Variants in DDX31 observed in about 807,000 individuals in gnomAD.
The protein encoded by DDX31 is DEAD-box helicase 31.
Under a neutral mutation model 91.3 loss-of-function variants are expected in DDX31, and 70 were observed. The observed-to-expected ratio is 0.77, with a 90% CI of 0.63 to 0.94. DDX31 has a LOEUF of 0.94. Ranked by LOEUF, DDX31 falls within the 40% of genes least tolerant of loss-of-function variation. The probability of loss-of-function intolerance (pLI) is 0.00; values close to 1 mark genes in which losing one functional copy is unlikely to be tolerated. For missense variants in DDX31, 902 were observed against 925.0 expected, an observed-to-expected ratio of 0.98 and a Z score of 0.32; for synonymous variants, 362 against 350.6, an observed-to-expected ratio of 1.03 and a Z score of -0.36.
rs530763739 is a variant in DDX31 at position 132,607,175 on chromosome 9, C to T, written c.1994+4912G>A. 6.6e-5 allele frequency among the ~76,000 whole-genome samples: 10 copies of T among 152,330 alleles called. No homozygotes were observed. In the East Asian group the frequency reaches 1.2e-3, roughly 18 times the overall value. ...GGCCTGGCACACAAGCCACAGGGTG[C>T]GCTGGTTCTGGTCCCACTTCCCCTC... On this transcript the variant is annotated intron_variant, in intron 19 of 19. Transcript: ENST00000372159.
chr9:132,621,452 T>C (rs540327247), intron 17 of DDX31, among the ~76,000 whole-genome samples: 70 of 152,352 alleles, frequency 4.6e-4, no homozygotes, highest in African/African-American at 1.6e-3. Context: ...ATGTTTTATA[T>C]ACCTAAATAT....
chr9:132,615,450 G>A (rs1219414675), intron 18 of DDX31, among the ~76,000 whole-genome samples: 1 of 152,178 alleles, frequency 6.6e-6, no homozygotes, highest in Non-Finnish European at 1.5e-5. Context: ...GGAAAGGATG[G>A]AGGAAAAGGA....
chr9:132,631,897 T>C, intron 15 of DDX31, 144 bp downstream of exon 15: 2 of 662,734 alleles, frequency 3.0e-6, no homozygotes, highest in Non-Finnish European at 5.0e-6. Context: ...GTCAGGGGAA[T>C]TGAACAGATA....
Position 132,661,386 on chromosome 9 carries a change from C to A in DDX31, c.409-135G>T, listed in dbSNP as rs116856318. 3,957 of 778,042 alleles carry A rather than the reference C, an allele frequency of 5.1e-3. 18 individuals carry two copies. The highest frequency in any genetic ancestry group is 7.2e-3 in the Non-Finnish European group (3,562 of 493,776). 48.2% of individuals were successfully genotyped at this position (778,042 alleles called of 1,614,324 possible). Reference sequence around the variant, plus strand: ...ATTAAGTTCCTCCACCCAGGTGGTGCTCTCTACTTGGGGCGATTCTGCCAC... The same window carrying A: ...ATTAAGTTCCTCCACCCAGGTGGTGATCTCTACTTGGGGCGATTCTGCCAC... On this transcript the variant is annotated intron_variant, in intron 3 of 19. Coordinates refer to ENST00000372159, the MANE Select transcript of DDX31 (RefSeq NM_022779.9).
Position 132,617,211 on chromosome 9 carries a change from C to T in DDX31, c.1825+1119G>A, listed in dbSNP as rs1380390162. ...AGAATGCCCTTCCTTTAGAGAGCCA[C>T]GGGGCTCATCCCACTTCAGGTTTTT... On this transcript the variant is annotated intron_variant, in intron 18 of 19. Transcript: ENST00000372159. 2.6e-5 allele frequency among the ~76,000 whole-genome samples: 4 copies of T among 152,120 alleles called. No homozygotes were observed. In the East Asian group the frequency reaches 5.8e-4, roughly 22 times the overall value.
At chr9:132,628,089 G>A (rs778597300) in intron 16 of DDX31, among the ~76,000 whole-genome samples, 28 of 152,206 alleles carry the variant, frequency 1.8e-4, no homozygotes, top group Non-Finnish European at 3.5e-4. Context: ...AGCCAATGTA[G>A]GGCCTTTCCT....
At position 132,645,863 on chromosome 9, in the gene DDX31, T is replaced by C. The variant is rs749938502; in HGVS notation, c.1380+32A>G. ...CCCCCATCTCCACGTGGGGCCGCAG[T>C]GTTGTCGCTGCACAGGGAGATCAGT... On this transcript the variant is annotated intron_variant, in intron 13 of 19. Transcript: ENST00000372159. 3 of 1,588,272 alleles carry C rather than the reference T, an allele frequency of 1.9e-6. No homozygotes were observed. The Admixed American group carries it at 5.2e-5, about 27-fold the overall frequency.
At chr9:132,650,114 G>T in intron 9 of DDX31, 120 bp downstream of exon 9, 1 of 945,020 alleles carries the variant, frequency 1.1e-6, no homozygotes, top group Admixed American at 1.9e-5. Context: ...CCTGTGCACC[G>T]GGACTAGGAA....
intron 14 of DDX31, chr9:132,638,006 A>G (rs578062282): frequency 4.5e-6 from 5 of 1,122,636 alleles, no homozygotes; most frequent in Admixed American, 4.4e-5. Flanking sequence ...ACAGAACAGT[A>G]TGCTTCAAGC....
At chr9:132,613,283 A>AAGGG (rs1564286217) in intron 18 of DDX31, among the ~76,000 whole-genome samples, 245 of 152,378 alleles carry the variant, frequency 1.6e-3, no homozygotes, top group African/African-American at 5.6e-3. Context: ...GGAATGAAAC[A>AAGGG]AATGTTTAAA....
chr9:132,633,304 TC>T (rs1247804245), intron 14 of DDX31, among the ~76,000 whole-genome samples: 11 of 152,186 alleles, frequency 7.2e-5, no homozygotes, highest in African/African-American at 2.7e-4. Flanking sequence ...TTGGGTAGTA[TC>T]TAGCAAAATT....
intron 14 of DDX31, among the ~76,000 whole-genome samples, chr9:132,636,169 A>G (rs576859320): frequency 1.3e-5 from 2 of 152,288 alleles, no homozygotes; most frequent in South Asian, 2.1e-4. Context: ...AATGCACTAA[A>G]AGTGTGTCAA....
chr9:132,643,127 T>A (rs1833603100), intron 13 of DDX31, among the ~76,000 whole-genome samples: 1 of 152,188 alleles, frequency 6.6e-6, no homozygotes, highest in African/African-American at 2.4e-5. Flanking sequence ...CCCTGCTGAT[T>A]TTTTAATATT....
intron 6 of DDX31, chr9:132,658,200 T>A: frequency 1.5e-6 from 1 of 680,878 alleles, no homozygotes; most frequent in Non-Finnish European, 2.7e-6. Flanking sequence ...GGAATTAACC[T>A]TCACTGTAAG....
In DDX31 at chr9:132,641,609, C is replaced by T. The variant is rs1021570514; in HGVS notation, c.1440+395G>A. On this transcript the variant is annotated intron_variant, in intron 14 of 19. Transcript: ENST00000372159. ...AGTCGGAGACAGCAGCAAATAAAAT[C>T]GGCCCAAATGCACCGATTTTCCTTT... 3.3e-5 allele frequency among the ~76,000 whole-genome samples: 5 copies of T among 152,298 alleles called. No individual in the cohort carries two copies. In the South Asian group the frequency reaches 1.0e-3, roughly 32 times the overall value.
intron 16 of DDX31, 60 bp downstream of exon 16, chr9:132,630,204 A>T: frequency 1.3e-6 from 2 of 1,498,470 alleles, no homozygotes; most frequent in Non-Finnish European, 1.8e-6. Context: ...TCACTGTAAA[A>T]AGCGACAGAA....
intron 6 of DDX31, 55 bp downstream of exon 6, chr9:132,658,616 T>C (rs1174071912): frequency 6.0e-6 from 9 of 1,494,510 alleles, no homozygotes; most frequent in Non-Finnish European, 8.3e-6. Context: ...ATGCTTCAGT[T>C]TGATGGTTGC....
At chr9:132,599,570 A>G (rs1474169373) in intron 19 of DDX31, among the ~76,000 whole-genome samples, 2 of 152,248 alleles carry the variant, frequency 1.3e-5, no homozygotes, top group East Asian at 3.8e-4. Flanking sequence ...AAATAACAGT[A>G]TATTCACTCT....
chr9:132,660,191 T>C (rs1360388357), intron 4 of DDX31, among the ~76,000 whole-genome samples: 1 of 151,866 alleles, frequency 6.6e-6, no homozygotes, highest in Non-Finnish European at 1.5e-5. Flanking sequence ...AAAAATTAGC[T>C]GGGAGTGATG....
Sources: allele counts gnomAD v4.1 joint callset (sites outside exome capture counted in the v4.1 genomes callset), GRCh38; gene constraint gnomAD v4.1.1; transcripts MANE v1.5; gene names NCBI Gene and HGNC (gene_info 2026-07-23, HGNC 2026-07-21).